ANK3: variants seen among roughly 807,000 people sequenced by gnomAD.
The protein encoded by ANK3 is ankyrin-3.
Under a neutral mutation model 370.9 loss-of-function variants are expected in ANK3, and 57 were observed. The ratio of observed to expected loss-of-function variants is 0.15; its 90% CI spans 0.12 to 0.19. The LOEUF is 0.19. Ranked by LOEUF, ANK3 falls within the 10% of genes least tolerant of loss-of-function variation. The pLI, the probability that ANK3 is intolerant of heterozygous loss-of-function variation, is 1.00. For missense variants in ANK3, 4,439 were observed against 5,302.1 expected (o/e 0.84, Z 5.06); for synonymous variants, 1,929 against 1,946.3 (o/e 0.99, Z 0.23).
intron 7 of ANK3, among the ~76,000 whole-genome samples, chr10:60,240,195 C>CATATATACACATATAT (rs1565917043): frequency 1.8e-4 from 24 of 130,516 alleles, no homozygotes; most frequent in African/African-American, 7.0e-4. Context: ...CATATATATA[C>CATATATACACATATAT]ACACACACAT....
At chr10:60,509,640 G>A (rs2076030036) in intron 2 of ANK3, among the ~76,000 whole-genome samples, 1 of 152,064 alleles carries the variant, frequency 6.6e-6, no homozygotes, top group Non-Finnish European at 1.5e-5. Flanking sequence ...GTCTGCAATT[G>A]TGCACTTCAA....
At chr10:60,641,706 A>G (rs1179426263) in intron 1 of ANK3, among the ~76,000 whole-genome samples, 5 of 152,188 alleles carry the variant, frequency 3.3e-5, no homozygotes, top group African/African-American at 4.8e-5. Context: ...ATTACCATTC[A>G]AGACATAGGC....
In ANK3 at chr10:60,085,065, T is replaced by C. The variant is rs143030307; in HGVS notation, c.3845+92A>G. The stretch of plus-strand genomic sequence containing the variant: ...CTACGGATTTTTTTTCTCACAACAA[T>C]TTTTTTTAGTATTGAACACAACAAT... On this transcript the variant is annotated intron_variant, in intron 31 of 43. Transcript: ENST00000280772. The C allele has an allele frequency of 3.1e-4, 310 of 1,013,598 alleles. 1 individual carries two copies. In the African/African-American group the frequency reaches 4.7e-3, roughly 15 times the overall value. The allele number at this position is 1,013,598 out of a possible 1,614,324, so 62.8% of individuals were successfully genotyped here. A position where few individuals can be genotyped will look rare whatever the true frequency, so the allele number is the denominator to read the frequency against.
At chr10:60,230,694 T>C (rs1043996777) in intron 8 of ANK3, among the ~76,000 whole-genome samples, 2 of 152,050 alleles carry the variant, frequency 1.3e-5, no homozygotes, top group African/African-American at 2.4e-5. Flanking sequence ...ATCAAGACCA[T>C]CCTGGCTAAC....
intron 23 of ANK3, among the ~76,000 whole-genome samples, chr10:60,163,590 A>G (rs2095549912): frequency 6.6e-6 from 1 of 152,170 alleles, no homozygotes; most frequent in African/African-American, 2.4e-5. Flanking sequence ...AAAGAAAGAG[A>G]AGACGATAAG....
intron 23 of ANK3, chr10:60,140,383 A>G: frequency 6.2e-7 from 1 of 1,613,838 alleles, no homozygotes; most frequent in South Asian, 1.1e-5. Context: ...CTAGGCTTGG[A>G]TGATCAAATG....
chr10:60,343,593 A>C lies in ANK3; in HGVS notation c.114+45832T>G, dbSNP rs139187103. Among the ~76,000 whole-genome samples, 998 of 152,322 alleles carry C rather than the reference A, an allele frequency of 6.6e-3. 8 individuals carry two copies. Among genetic ancestry groups the C allele is most frequent in the African/African-American group, 0.023 (957 of 41,566 alleles). On this transcript the variant is annotated intron_variant, in intron 1 of 43. Transcript: ENST00000280772. Reference sequence around the variant, plus strand: ...AAATATTTAAGAGTTGGGAAGGACTACCAATATATCTAAACCCAGAAATGA... The same window carrying C: ...AAATATTTAAGAGTTGGGAAGGACTCCCAATATATCTAAACCCAGAAATGA...
At chr10:60,523,445 G>T (rs901977861) in intron 2 of ANK3, among the ~76,000 whole-genome samples, 1 of 131,154 alleles carries the variant, frequency 7.6e-6, no homozygotes, top group Non-Finnish European at 1.5e-5. Flanking sequence ...TTGTGTCCAT[G>T]TGTTCTCATT....
In ANK3 at chr10:60,158,232, C is replaced by G. The variant is rs940190709; in HGVS notation, c.2614+8359G>C. ...CTTATAAGAAATGCTAAAGGGAGTT[C>G]TTCAGTATGAAAGAAAAGGATATTA... On this transcript the variant is annotated intron_variant, in intron 23 of 43. Transcript: ENST00000280772. 3.9e-5 allele frequency among the ~76,000 whole-genome samples: 6 copies of G among 152,214 alleles called. No individual in the cohort carries two copies. In the East Asian group the frequency reaches 5.8e-4, roughly 15 times the overall value.
chr10:60,166,772 CAA>C, intron 22 of ANK3, 50 bp downstream of exon 22: 10 of 1,598,926 alleles, frequency 6.3e-6, no homozygotes, highest in Non-Finnish European at 7.7e-6. Flanking sequence ...AGGAAACAAA[CAA>C]AATACACAGT....
At chr10:60,068,080 G>A (rs1589501961) in intron 37 of ANK3, 71 bp from the exon 38 acceptor site, 2 of 1,417,056 alleles carry the variant, frequency 1.4e-6, no homozygotes, top group East Asian at 4.6e-5. Context: ...GCTTTTAGCA[G>A]TACGCAGATT....
At chr10:60,510,824 T>C (rs2076060442) in intron 2 of ANK3, among the ~76,000 whole-genome samples, 2 of 151,812 alleles carry the variant, frequency 1.3e-5, no homozygotes, top group South Asian at 4.2e-4. Flanking sequence ...TGTCTTGAAA[T>C]AAATAAATAA....
chr10:60,147,294 A>C (rs2094876270), intron 23 of ANK3, among the ~76,000 whole-genome samples: 1 of 152,148 alleles, frequency 6.6e-6, no homozygotes. Context: ...AAAAACTGAC[A>C]GTCCCGTGCT....
intron 2 of ANK3, among the ~76,000 whole-genome samples, chr10:60,563,159 T>C (rs1002401731): frequency 6.6e-6 from 1 of 152,228 alleles, no homozygotes; most frequent in South Asian, 2.1e-4. Context: ...AAATATCATC[T>C]TGAAAACCAC....
At chr10:60,240,423 G>A (rs2097435671) in intron 7 of ANK3, among the ~76,000 whole-genome samples, 4 of 151,142 alleles carry the variant, frequency 2.6e-5, no homozygotes, top group Admixed American at 2.6e-4. Flanking sequence ...TCCTGCCTCA[G>A]CCTCCCGAGT....
chr10:60,566,619 T>C (rs982031336), intron 2 of ANK3, among the ~76,000 whole-genome samples: 3 of 152,196 alleles, frequency 2.0e-5, no homozygotes, highest in Non-Finnish European at 4.4e-5. Flanking sequence ...ACACCTGTAA[T>C]TCCAGCACTT....
At chr10:60,579,571 C>T (rs1295248788) in intron 2 of ANK3, among the ~76,000 whole-genome samples, 1 of 151,936 alleles carries the variant, frequency 6.6e-6, no homozygotes, top group Non-Finnish European at 1.5e-5. Flanking sequence ...AAAACCAGGA[C>T]CAGGTTCTAG....
At chr10:60,171,210 A>G (rs1427830342) in intron 21 of ANK3, among the ~76,000 whole-genome samples, 3 of 152,196 alleles carry the variant, frequency 2.0e-5, no homozygotes, top group Non-Finnish European at 4.4e-5. Flanking sequence ...GAAGTTCGGA[A>G]TGGGTGCTGC....
At chr10:60,270,286 C>G (rs1043627521) in intron 4 of ANK3, 57 bp from the exon 5 acceptor site, 4 of 1,219,224 alleles carry the variant, frequency 3.3e-6, no homozygotes, top group African/African-American at 1.5e-5. Context: ...ATCTATTTTT[C>G]CATGGTACTG....
Sources: allele counts gnomAD v4.1 joint callset (sites outside exome capture counted in the v4.1 genomes callset), GRCh38; gene constraint gnomAD v4.1.1; transcripts MANE v1.5; gene names NCBI Gene and HGNC (gene_info 2026-07-23, HGNC 2026-07-21).